Variants in CTSO observed in about 807,000 individuals in gnomAD.
CTSO encodes cathepsin O.
A neutral mutation model predicts 42.4 loss-of-function variants in CTSO; 40 were observed. The observed-to-expected ratio is 0.94, with a 90% CI of 0.73 to 1.23. The LOEUF is 1.23. Among genes scored for constraint, CTSO ranks in the 50% most tolerant of loss-of-function variants. The pLI is 0.00. For synonymous variants in CTSO, 156 were observed against 146.2 expected, an observed-to-expected ratio of 1.07 and a Z score of -0.48; for missense variants, 441 against 396.0, an observed-to-expected ratio of 1.11 and a Z score of -0.96.
At chr4:155,927,651 T>A (rs1379436264) in intron 7 of CTSO, among the ~76,000 whole-genome samples, 1 of 152,044 alleles carries the variant, frequency 6.6e-6, no homozygotes, top group Non-Finnish European at 1.5e-5. Flanking sequence ...GGCGGGAGTC[T>A]GTAGTCCCAG....
intron 5 of CTSO, among the ~76,000 whole-genome samples, chr4:155,934,720 C>T (rs935944066): frequency 6.6e-5 from 10 of 152,142 alleles, no homozygotes; most frequent in African/African-American, 1.2e-4. Flanking sequence ...CCTCTAACTC[C>T]TTTGTTTTGG....
chr4:155,927,104 A>C (rs1268960841), intron 7 of CTSO, among the ~76,000 whole-genome samples: 1 of 152,180 alleles, frequency 6.6e-6, no homozygotes, highest in African/African-American at 2.4e-5. Flanking sequence ...GACTTTTTTC[A>C]ATGAATAACT....
intron 2 of CTSO, among the ~76,000 whole-genome samples, chr4:155,942,865 T>C (rs1743466428): frequency 6.6e-6 from 1 of 152,114 alleles, no homozygotes; most frequent in East Asian, 1.9e-4. Context: ...ACCATGTGTG[T>C]CCTGAAGAGA....
chr4:155,930,771 T>C (rs747978845), intron 5 of CTSO, among the ~76,000 whole-genome samples: 1 of 152,192 alleles, frequency 6.6e-6, no homozygotes. Context: ...ATGGAATTGA[T>C]TGAAATAGAA....
At chr4:155,928,976 C>T (rs918734408) in intron 6 of CTSO, among the ~76,000 whole-genome samples, 3 of 152,116 alleles carry the variant, frequency 2.0e-5, no homozygotes, top group Non-Finnish European at 4.4e-5. Flanking sequence ...ATGGCCATGA[C>T]GCCCACGCTG....
intron 5 of CTSO, among the ~76,000 whole-genome samples, 192 bp from the exon 6 acceptor site, chr4:155,929,897 C>G (rs1214803675): frequency 6.6e-6 from 1 of 152,198 alleles, no homozygotes; most frequent in Non-Finnish European, 1.5e-5. Flanking sequence ...AACCCAAGCT[C>G]TTTCTCTATC....
chr4:155,937,749 T>C (rs1029860500), intron 4 of CTSO, among the ~76,000 whole-genome samples: 2 of 152,026 alleles, frequency 1.3e-5, no homozygotes, highest in Non-Finnish European at 2.9e-5. Context: ...CCAGTAGCTG[T>C]GACTACAGGT....
At chr4:155,948,684 C>A (rs1303699638) in intron 1 of CTSO, among the ~76,000 whole-genome samples, 1 of 152,254 alleles carries the variant, frequency 6.6e-6, no homozygotes. Flanking sequence ...TTTTAAAATT[C>A]CTCAGAAATC....
intron 1 of CTSO, among the ~76,000 whole-genome samples, chr4:155,950,000 GCTTTTTAAGGATACA>G (rs1743618383): frequency 1.4e-5 from 1 of 69,316 alleles, no homozygotes; most frequent in South Asian, 1.2e-3. Flanking sequence ...AACAATAAAA[GCTTTTTAAGGATACA>G]CTTTTATAAA....
At chr4:155,953,574 G>A in intron 1 of CTSO, 139 bp downstream of exon 1, 1 of 1,080,814 alleles carries the variant, frequency 9.3e-7, no homozygotes, top group Non-Finnish European at 1.2e-6. Context: ...TGCACCCGCA[G>A]CTCAGGGCCC....
intron 5 of CTSO, 99 bp downstream of exon 5, chr4:155,937,263 T>G (rs1262860608): frequency 2.4e-6 from 2 of 846,196 alleles, no homozygotes; most frequent in Non-Finnish European, 3.8e-6. Flanking sequence ...TTACAAGGAT[T>G]AAGAGTATGC....
intron 1 of CTSO, among the ~76,000 whole-genome samples, chr4:155,949,757 C>T (rs1743613124): frequency 6.6e-6 from 1 of 152,188 alleles, no homozygotes; most frequent in South Asian, 2.1e-4. Context: ...CTGAGAATTT[C>T]TTGGAAGACT....
At chr4:155,934,369 C>A (rs1743292776) in intron 5 of CTSO, among the ~76,000 whole-genome samples, 1 of 152,240 alleles carries the variant, frequency 6.6e-6, no homozygotes, top group African/African-American at 2.4e-5. Flanking sequence ...TCATGGAAAA[C>A]CTCTGCTAGC....
At chr4:155,953,093 G>T (rs1467093810) in intron 1 of CTSO, among the ~76,000 whole-genome samples, 2 of 150,662 alleles carry the variant, frequency 1.3e-5, no homozygotes, top group Non-Finnish European at 1.5e-5. Context: ...ATTATATTTC[G>T]TATAATAATA....
intron 5 of CTSO, among the ~76,000 whole-genome samples, chr4:155,931,927 G>A (rs189625193): frequency 2.1e-4 from 32 of 151,680 alleles, no homozygotes; most frequent in Non-Finnish European, 3.8e-4. Context: ...AAGATGCGGC[G>A]ATGAAGGCAA....
rs1743103012 is a variant in CTSO at position 155,924,889 on chromosome 4, A to C, written c.*1147T>G. On this transcript the variant is annotated 3_prime_UTR_variant, in exon 8 of 8. Coordinates refer to ENST00000433477, the MANE Select transcript of CTSO (RefSeq NM_001334.3). The stretch of plus-strand genomic sequence containing the variant: ...TGCAAGAGTGATCACAGGAATCAAG[A>C]CTGGGAGCCAAGAGAAAGAACAAGA... 6.6e-6 allele frequency: 1 copy of C among 152,446 alleles called. No individual in the cohort carries two copies. The highest frequency in any genetic ancestry group is 1.5e-5 in the Non-Finnish European group (1 of 68,154). The allele number at this position is 152,446 out of a possible 1,614,324, so 9.4% of individuals were successfully genotyped here. A position where few individuals can be genotyped will look rare whatever the true frequency, so the allele number is the denominator to read the frequency against.
At chr4:155,932,504 T>A (rs1293394317) in intron 5 of CTSO, among the ~76,000 whole-genome samples, 5 of 152,130 alleles carry the variant, frequency 3.3e-5, no homozygotes, top group Admixed American at 2.0e-4. Flanking sequence ...ACCACTGCAA[T>A]GCACACTCAC....
At chr4:155,934,410 G>A (rs1038795922) in intron 5 of CTSO, among the ~76,000 whole-genome samples, 2 of 152,174 alleles carry the variant, frequency 1.3e-5, no homozygotes, top group East Asian at 1.9e-4. Context: ...GGGGTTGGAG[G>A]CTCCACACAG....
chr4:155,937,620 C>A, intron 4 of CTSO, 137 bp from the exon 5 acceptor site: 1 of 828,482 alleles, frequency 1.2e-6, no homozygotes, highest in Non-Finnish European at 1.9e-6. Flanking sequence ...TTTTTTTTTT[C>A]TTTTTCTTTT....
Sources: gnomAD v4.1 joint callset for allele counts (sites outside exome capture counted in the v4.1 genomes callset) on GRCh38, gnomAD v4.1.1 for gene constraint, MANE v1.5 for transcripts, NCBI Gene and HGNC (gene_info 2026-07-23, HGNC 2026-07-21) for gene names.